Variants in ARHGAP25 observed in about 807,000 individuals in gnomAD.
The protein encoded by ARHGAP25 is rho GTPase-activating protein 25.
Under a neutral mutation model 71.0 loss-of-function variants are expected in ARHGAP25, and 34 were observed. That is an observed-to-expected ratio of 0.48 (90% CI 0.36 to 0.64). The LOEUF (loss-of-function observed/expected upper bound fraction) is 0.64. Ranked by LOEUF, ARHGAP25 falls within the 30% of genes least tolerant of loss-of-function variation. The pLI is 0.00. For synonymous variants in ARHGAP25, 282 were observed against 296.5 expected (o/e 0.95, Z 0.50); for missense variants, 706 against 805.1 (o/e 0.88, Z 1.49).
At chr2:68,774,115 G>A (rs1261624088) in intron 1 of ARHGAP25, among the ~76,000 whole-genome samples, 1 of 152,150 alleles carries the variant, frequency 6.6e-6, no homozygotes, top group Non-Finnish European at 1.5e-5. Flanking sequence ...AAAGGGGGTT[G>A]GAAGATGGAG....
intron 1 of ARHGAP25, among the ~76,000 whole-genome samples, chr2:68,755,347 A>T (rs924535425): frequency 3.3e-5 from 5 of 152,184 alleles, no homozygotes; most frequent in Non-Finnish European, 7.3e-5. Context: ...ATTTTCCAAA[A>T]TATCTTTTAT....
chr2:68,726,164 C>T (rs72828863), intron 2 of ARHGAP25, among the ~76,000 whole-genome samples: 3,604 of 152,294 alleles, frequency 0.024, 61 homozygotes, highest in Non-Finnish European at 0.035. Context: ...GCGTTTTCAT[C>T]TGTCTTCTTG....
In ARHGAP25 at chr2:68,826,162, A is replaced by C. The variant is rs1682117921; in HGVS notation, c.1909A>C (p.Lys637Gln). The C allele has an allele frequency of 6.2e-7, 1 of 1,614,198 alleles. No individual in the cohort carries two copies. The highest frequency in any genetic ancestry group is 1.1e-5 in the South Asian group (1 of 91,080). The change falls in exon 11 of 11, where the codon AAA becomes CAA. Residue 637 changes from lysine to glutamine, a missense_variant. By Grantham distance (53) the Lys-to-Gln change is moderately conservative (BLOSUM62 1). Coordinates refer to ENST00000409202, the MANE Select transcript of ARHGAP25 (RefSeq NM_001007231.3). ...GGAAGAAGAAGTCAAGGAATTTGTC[A>C]AATCCATGAAGGAACCCAAGACCGA... Reference protein sequence around the residue: ...ALEEEVKEFVKSMKEPKTEA With the variant: ...ALEEEVKEFVQSMKEPKTEA
intron 6 of ARHGAP25, 107 bp from the exon 7 acceptor site, chr2:68,816,182 G>A (rs1405384771): frequency 3.3e-6 from 3 of 897,538 alleles, no homozygotes; most frequent in African/African-American, 3.3e-5. Flanking sequence ...GACTGCCAAA[G>A]TGTTGTTTCT....
At chr2:68,775,484 G>GA in intron 2 of ARHGAP25, 64 bp downstream of exon 2, 1 of 1,609,074 alleles carries the variant, frequency 6.2e-7, no homozygotes, top group Middle Eastern at 1.7e-4. Context: ...AGCCCGCTGG[G>GA]ATTTCACTTA....
intron 2 of ARHGAP25, among the ~76,000 whole-genome samples, chr2:68,778,391 A>G (rs946141577): frequency 6.6e-6 from 1 of 152,236 alleles, no homozygotes; most frequent in African/African-American, 2.4e-5. Context: ...ATTTATAGAA[A>G]AAGGCCTAGA....
chr2:68,803,595 C>T (rs1022854940), intron 4 of ARHGAP25, among the ~76,000 whole-genome samples: 2 of 151,980 alleles, frequency 1.3e-5, no homozygotes, highest in African/African-American at 2.4e-5. Flanking sequence ...CTTAGACCCA[C>T]GTGGGATCTT....
rs895920746 is a variant in ARHGAP25, at chr2:68,801,626, G to A, written c.467-5647G>A. On this transcript the variant is annotated intron_variant, in intron 4 of 10. Transcript: ENST00000409202. The stretch of plus-strand genomic sequence containing the variant: ...GAATGGGAGGAATGGGAGGCAGCAG[G>A]TAGTGACAGCTCTCTGAGGTCCATC... Among the ~76,000 whole-genome samples, 3 of 152,218 alleles carry A rather than the reference G, an allele frequency of 2.0e-5. No homozygotes were observed. In the East Asian group the frequency reaches 5.8e-4, roughly 29 times the overall value.
chr2:68,712,844 C>T (rs1181150775), intron 2 of ARHGAP25, among the ~76,000 whole-genome samples: 1 of 152,096 alleles, frequency 6.6e-6, no homozygotes, highest in Admixed American at 6.5e-5. Flanking sequence ...TTCCTGAGGA[C>T]TCTGTTCTGT....
intron 9 of ARHGAP25, 95 bp from the exon 10 acceptor site, chr2:68,822,245 G>T: frequency 8.2e-7 from 1 of 1,221,380 alleles, no homozygotes; most frequent in Non-Finnish European, 1.2e-6. Context: ...ATGCTACCAG[G>T]AAACTTTTGT....
At chr2:68,792,974 C>T (rs916211670) in intron 4 of ARHGAP25, among the ~76,000 whole-genome samples, 3 of 151,996 alleles carry the variant, frequency 2.0e-5, no homozygotes, top group Non-Finnish European at 4.4e-5. Flanking sequence ...TTCAGAGTGG[C>T]GTAAGGTGCG....
At chr2:68,723,585 T>G (rs954958879) in intron 2 of ARHGAP25, among the ~76,000 whole-genome samples, 1 of 152,206 alleles carries the variant, frequency 6.6e-6, no homozygotes, top group Non-Finnish European at 1.5e-5. Flanking sequence ...GAAGCTGTCT[T>G]TTCTGTGCGG....
intron 1 of ARHGAP25, chr2:68,775,000 G>A (rs991177402): frequency 1.4e-6 from 2 of 1,451,952 alleles, no homozygotes; most frequent in African/African-American, 1.4e-5. Context: ...ACTGCAGCCT[G>A]GGTTTTATTC....
At position 68,774,333 on chromosome 2, in the gene ARHGAP25, G is replaced by T. The variant is rs115259333; in HGVS notation, c.62-888G>T. On this transcript the variant is annotated intron_variant, in intron 1 of 10. Transcript: ENST00000409202. ...AAAGGAGAGCATGGTCCTGGGTGGG[G>T]GTTACCATGGAGACAAGATGTGGAG... Among the ~76,000 whole-genome samples the T allele has an allele frequency of 7.0e-3, 1,071 of 152,194 alleles. 23 individuals are homozygous for T. The highest frequency in any genetic ancestry group is 0.025 in the African/African-American group (1,037 of 41,514).
chr2:68,746,452 G>A (rs1361151447), intron 1 of ARHGAP25, among the ~76,000 whole-genome samples: 1 of 152,150 alleles, frequency 6.6e-6, no homozygotes, highest in Admixed American at 6.5e-5. Flanking sequence ...CCTAGACCCT[G>A]TGCCCTGCCT....
chr2:68,825,142 G>A (rs967363849), intron 10 of ARHGAP25, among the ~76,000 whole-genome samples: 1 of 152,236 alleles, frequency 6.6e-6, no homozygotes, highest in African/African-American at 2.4e-5. Context: ...GGATTCAGAA[G>A]TGAGGGTGAG....
In ARHGAP25 at chr2:68,767,206, CT is replaced by C; in HGVS notation, c.62-8011del. ...AAAGATGCCTTTTGAAGGGGCAGTG[CT>C]TTTCATACTAAAGTTAAAAACGAAA... On this transcript the variant is annotated intron_variant, in intron 1 of 10. Coordinates refer to ENST00000409202, the MANE Select transcript of ARHGAP25 (RefSeq NM_001007231.3). The surrounding 1 kb of genome is among the most constrained non-coding windows in gnomAD (Gnocchi z 4.6). 6.6e-6 allele frequency among the ~76,000 whole-genome samples: 1 copy of C among 152,260 alleles called. No individual in the cohort carries two copies. Among genetic ancestry groups the C allele is most frequent in the East Asian group, 1.9e-4 (1 of 5,184 alleles).
intron 4 of ARHGAP25, among the ~76,000 whole-genome samples, chr2:68,794,559 A>T (rs1012147488): frequency 6.6e-6 from 1 of 152,130 alleles, no homozygotes; most frequent in Admixed American, 6.5e-5. Flanking sequence ...TGTTTGTGTG[A>T]TGTATCACAT....
chr2:68,775,111 T>C, intron 1 of ARHGAP25, 110 bp from the exon 2 acceptor site: 3 of 1,592,094 alleles, frequency 1.9e-6, no homozygotes, highest in South Asian at 1.1e-5. Context: ...GACCTGGTTG[T>C]CGTCCCCCCG....
Sources: allele counts gnomAD v4.1 joint callset (sites outside exome capture counted in the v4.1 genomes callset), GRCh38; gene constraint gnomAD v4.1.1; non-coding constraint Gnocchi (gnomAD v3.1); transcripts MANE v1.5; gene names NCBI Gene and HGNC (gene_info 2026-07-23, HGNC 2026-07-21).